CADM2: variants seen among roughly 807,000 people sequenced by gnomAD.
The protein encoded by CADM2 is immunoglobulin superfamily member 4D.
CADM2 carries 12 observed loss-of-function variants against 49.8 expected under a neutral mutation model. The ratio of observed to expected loss-of-function variants is 0.24; its 90% CI spans 0.15 to 0.39. CADM2 has a LOEUF of 0.39. CADM2 is among the 10% of genes least tolerant of loss of function. The probability of loss-of-function intolerance (pLI) is 1.00; values close to 1 mark genes in which losing one functional copy is unlikely to be tolerated. For missense variants in CADM2, 378 were observed against 492.3 expected (o/e 0.77, Z 2.20); for synonymous variants, 214 against 175.4 (o/e 1.22, Z -1.74).
rs191002147 is a variant in CADM2, at chr3:85,549,644, T to C, written c.62-176878T>C. On this transcript the variant is annotated intron_variant, in intron 1 of 9. Coordinates refer to ENST00000383699, the MANE Select transcript of CADM2 (RefSeq NM_001167675.2). ...AGGTATTTATTTATTTATTTATTTATTGAGACAGAGTCTCTGTCACCCAGG... is the reference window on the plus strand; with the variant it reads ...AGGTATTTATTTATTTATTTATTTACTGAGACAGAGTCTCTGTCACCCAGG... Among the ~76,000 whole-genome samples the C allele has an allele frequency of 7.5e-3, 1,147 of 152,220 alleles. 12 individuals are homozygous for C. Among genetic ancestry groups the C allele is most frequent in the Middle Eastern group, 0.017 (5 of 294 alleles).
chr3:85,863,386 G>A (rs182741409), intron 3 of CADM2, among the ~76,000 whole-genome samples: 2 of 152,214 alleles, frequency 1.3e-5, no homozygotes, highest in African/African-American at 4.8e-5. Context: ...GGGAGATGAG[G>A]CCTTTAAGAG....
At chr3:85,082,771 GTCTGAAAAACATAA>G (rs1242958385) in intron 1 of CADM2, among the ~76,000 whole-genome samples, 3 of 152,086 alleles carry the variant, frequency 2.0e-5, no homozygotes, top group Non-Finnish European at 4.4e-5. Flanking sequence ...ATTACAAGTA[GTCTGAAAAACATAA>G]TCTGAAAGAA....
intron 1 of CADM2, among the ~76,000 whole-genome samples, chr3:85,066,723 A>G (rs1214364800): frequency 6.6e-6 from 1 of 152,174 alleles, no homozygotes; most frequent in Admixed American, 6.5e-5. Flanking sequence ...TAGTTCTTCA[A>G]AGACTAGTTA....
intron 2 of CADM2, among the ~76,000 whole-genome samples, chr3:85,732,642 G>C (rs778663648): frequency 6.6e-6 from 1 of 152,108 alleles, no homozygotes; most frequent in Non-Finnish European, 1.5e-5. Context: ...AAAAAAGTAA[G>C]TAACAATGAT....
chr3:85,230,854 T>C (rs779064225), intron 1 of CADM2, among the ~76,000 whole-genome samples: 1 of 152,172 alleles, frequency 6.6e-6, no homozygotes, highest in Non-Finnish European at 1.5e-5. Context: ...CAGGTAGATA[T>C]AGGAGGAAAA....
intron 1 of CADM2, among the ~76,000 whole-genome samples, chr3:85,149,866 A>G (rs1008276572): frequency 1.3e-5 from 2 of 152,126 alleles, no homozygotes; most frequent in African/African-American, 2.4e-5. Flanking sequence ...TAACAAATCA[A>G]CTCTTGTATC....
intron 1 of CADM2, among the ~76,000 whole-genome samples, chr3:85,396,078 T>C (rs1304089435): frequency 6.6e-6 from 1 of 151,094 alleles, no homozygotes; most frequent in Non-Finnish European, 1.5e-5. Flanking sequence ...AATTATATTT[T>C]CAGTATTGAT....
At chr3:85,999,302 G>A (rs1251701075) in intron 8 of CADM2, among the ~76,000 whole-genome samples, 3 of 151,178 alleles carry the variant, frequency 2.0e-5, no homozygotes, top group Admixed American at 6.6e-5. Flanking sequence ...TCAGGAGTTC[G>A]AGACCATCCT....
intron 1 of CADM2, among the ~76,000 whole-genome samples, chr3:85,026,009 T>C (rs1008456289): frequency 4.6e-5 from 7 of 152,136 alleles, no homozygotes; most frequent in Non-Finnish European, 1.0e-4. Context: ...TCTTCACAGG[T>C]GGGTGCTCAA....
At chr3:86,040,663 A>G (rs1002966862) in intron 8 of CADM2, among the ~76,000 whole-genome samples, 18 of 152,210 alleles carry the variant, frequency 1.2e-4, no homozygotes, top group Non-Finnish European at 2.2e-4. Context: ...ACTCTGCAGG[A>G]TATTATCCAG....
At chr3:86,040,659 C>T (rs902877474) in intron 8 of CADM2, among the ~76,000 whole-genome samples, 1 of 152,162 alleles carries the variant, frequency 6.6e-6, no homozygotes, top group Non-Finnish European at 1.5e-5. Flanking sequence ...AAACACTCTG[C>T]AGGATATTAT....
chr3:85,419,299 CA>C (rs11350829), intron 1 of CADM2, among the ~76,000 whole-genome samples: 123,684 of 151,628 alleles, frequency 0.82, 51,354 homozygotes, highest in East Asian at 0.95. Flanking sequence ...ACTAAAATTA[CA>C]AAAAAAAATT....
intron 1 of CADM2, among the ~76,000 whole-genome samples, chr3:85,691,289 ATG>A (rs948355062): frequency 4.6e-5 from 7 of 152,150 alleles, no homozygotes; most frequent in African/African-American, 1.2e-4. Context: ...CTCTATGTGT[ATG>A]TGTGTGTCTC....
intron 1 of CADM2, among the ~76,000 whole-genome samples, chr3:84,993,906 A>G (rs545275327): frequency 1.3e-5 from 2 of 152,266 alleles, no homozygotes; most frequent in South Asian, 4.1e-4. Context: ...CTTCTGTTAA[A>G]ATTCTATTTC....
chr3:85,803,405 C>A (rs2072182139), intron 3 of CADM2, among the ~76,000 whole-genome samples: 1 of 151,754 alleles, frequency 6.6e-6, no homozygotes, highest in Non-Finnish European at 1.5e-5. Flanking sequence ...TAAAAGGGGA[C>A]AAGTGCTATG....
At chr3:85,335,857 G>A (rs2045066164) in intron 1 of CADM2, among the ~76,000 whole-genome samples, 1 of 151,376 alleles carries the variant, frequency 6.6e-6, no homozygotes, top group Admixed American at 6.6e-5. Context: ...TGTCCATGCA[G>A]AATTCATTAC....
At chr3:85,801,988 A>AGT in intron 2 of CADM2, 59 bp from the exon 3 acceptor site, 1 of 1,243,666 alleles carries the variant, frequency 8.0e-7, no homozygotes, top group East Asian at 2.8e-5. Context: ...TGTAGATCTT[A>AGT]GGCAGTTAAT....
chr3:85,043,522 G>GTAAAA lies in CADM2; in HGVS notation c.61+83867_61+83871dup, dbSNP rs1168051769. 1.4e-4 allele frequency among the ~76,000 whole-genome samples: 22 copies of GTAAAA among 151,798 alleles called. No homozygotes were observed. In the South Asian group the frequency reaches 4.4e-3, roughly 30 times the overall value. The stretch of plus-strand genomic sequence containing the variant: ...TCGTAAGGCCCCATCTCTCAAAAAA[G>GTAAAA]TAAAATAAAATAAAATAGAAAACTA... On this transcript the variant is annotated intron_variant, in intron 1 of 9. Transcript: ENST00000383699.
intron 1 of CADM2, among the ~76,000 whole-genome samples, chr3:85,500,950 G>A (rs2040091364): frequency 6.6e-6 from 1 of 152,082 alleles, no homozygotes; most frequent in South Asian, 2.1e-4. Flanking sequence ...AAGCCAAAAT[G>A]GGCATTTCCC....
Sources: allele counts gnomAD v4.1 joint callset (sites outside exome capture counted in the v4.1 genomes callset), GRCh38; gene constraint gnomAD v4.1.1; transcripts MANE v1.5; gene names NCBI Gene and HGNC (gene_info 2026-07-23, HGNC 2026-07-21).